The following ADARB1 variants were observed in gnomAD, a reference collection of about 807,000 sequenced individuals.
ADARB1 encodes double-stranded RNA-specific editase 1.
A neutral mutation model predicts 52.4 loss-of-function variants in ADARB1; 10 were observed. The observed-to-expected ratio is 0.19, with a 90% confidence interval of 0.12 to 0.32. The LOEUF is 0.32. Ranked by LOEUF, ADARB1 falls within the 10% of genes least tolerant of loss-of-function variation. ADARB1 has a pLI of 1.00. For missense variants in ADARB1, 643 were observed against 922.3 expected, an observed-to-expected ratio of 0.70 and a Z score of 3.92; for synonymous variants, 349 against 371.1, an observed-to-expected ratio of 0.94 and a Z score of 0.68.
At chr21:45,170,694 A>G (rs1224784154) in intron 2 of ADARB1, among the ~76,000 whole-genome samples, 1 of 152,048 alleles carries the variant, frequency 6.6e-6, no homozygotes, top group South Asian at 2.1e-4. Context: ...TTAGTGATTT[A>G]TAAGTTTTAT....
chr21:45,086,172 A>G (rs997680821), intron 1 of ADARB1, among the ~76,000 whole-genome samples: 8 of 152,184 alleles, frequency 5.3e-5, no homozygotes, highest in African/African-American at 1.9e-4. Flanking sequence ...TTCACACTGC[A>G]TTGAGAATTT....
rs2085829076 is a variant in ADARB1 at position 45,074,598 on chromosome 21, T to TGGAGGCGGCGGCGGCGGC, written c.-413_-412insAGGCGGCGGCGGCGGCGG. ...CGGGGCTGAGGCGCTGAGGCGGCCGTGGCGGCGGCGGCGGCGGCGGCGGCA... is the reference window on the plus strand; with the variant it reads ...CGGGGCTGAGGCGCTGAGGCGGCCGTGGAGGCGGCGGCGGCGGCGGCGGCGGCGGCGGCGGCGGCGGCA... On this transcript the variant is annotated 5_prime_UTR_variant, in exon 1 of 11. Coordinates refer to ENST00000348831, the MANE Select transcript of ADARB1 (RefSeq NM_001112.4). 1 of 145,044 alleles carries TGGAGGCGGCGGCGGCGGC rather than the reference T, an allele frequency of 6.9e-6. No individual in the cohort carries two copies. The highest frequency in any genetic ancestry group is 7.0e-5 in the Admixed American group (1 of 14,238). 9.0% of individuals were successfully genotyped at this position (145,044 alleles called of 1,614,324 possible).
chr21:45,158,879 T>TG (rs1650650667), intron 2 of ADARB1, among the ~76,000 whole-genome samples: 1 of 152,242 alleles, frequency 6.6e-6, no homozygotes, highest in Admixed American at 6.5e-5. Context: ...CAGCTTGTGG[T>TG]GGGTTGGAGT....
At chr21:45,210,548 G>C (rs1232479395) in intron 9 of ADARB1, among the ~76,000 whole-genome samples, 2 of 152,196 alleles carry the variant, frequency 1.3e-5, no homozygotes, top group Non-Finnish European at 2.9e-5. Flanking sequence ...CATCTCCCGG[G>C]CATGCATGTG....
At chr21:45,188,694 T>C (rs11700834) in intron 8 of ADARB1, among the ~76,000 whole-genome samples, 77,275 of 151,754 alleles carry the variant, frequency 0.51, 20,034 homozygotes, top group South Asian at 0.57. Flanking sequence ...TAATCACTGA[T>C]AGGGAAGACT....
At position 45,189,263 on chromosome 21, in the gene ADARB1, A is replaced by G. The variant is rs140148934; in HGVS notation, c.1565+4172A>G. Reference sequence around the variant, plus strand: ...TTCTTTTTGTGTATATTCTACAGGTATTTTCTTTGTGGTTACCATTGCAAT... The same window carrying G: ...TTCTTTTTGTGTATATTCTACAGGTGTTTTCTTTGTGGTTACCATTGCAAT... On this transcript the variant is annotated intron_variant, in intron 8 of 10. Transcript: ENST00000348831. 9.3e-3 allele frequency among the ~76,000 whole-genome samples: 1,404 copies of G among 151,508 alleles called. 7 individuals are homozygous for G. Among genetic ancestry groups the G allele is most frequent in the Non-Finnish European group, 0.014 (937 of 67,888 alleles).
At chr21:45,079,326 A>G (rs2086064715) in intron 1 of ADARB1, among the ~76,000 whole-genome samples, 1 of 152,374 alleles carries the variant, frequency 6.6e-6, no homozygotes, top group African/African-American at 2.4e-5. Context: ...TTTTAAAATC[A>G]TATAATTCAT....
chr21:45,101,422 T>G (rs1601341759), intron 1 of ADARB1, among the ~76,000 whole-genome samples: 1 of 152,338 alleles, frequency 6.6e-6, no homozygotes, highest in Admixed American at 6.5e-5. Context: ...CTAGGCTCCC[T>G]TCTTTCGCGG....
Position 45,185,036 on chromosome 21 carries a change from G to A in ADARB1, c.1510G>A (p.Gly504Arg), listed in dbSNP as rs757268939. 3 of 1,614,202 alleles carry A rather than the reference G, an allele frequency of 1.9e-6. No homozygotes were observed. Among genetic ancestry groups the A allele is most frequent in the Non-Finnish European group, 2.5e-6 (3 of 1,180,028 alleles). The change falls in exon 8 of 11, where the codon GGG (glycine) becomes AGG (arginine). Residue 504 changes from glycine to arginine, a missense_variant. By Grantham distance (125) the Gly-to-Arg change is moderately radical (BLOSUM62 -2). This residue lies in a region of ADARB1 where 263 missense variants were observed against 475.8 expected (regional missense o/e 0.55). Coordinates refer to ENST00000348831, the MANE Select transcript of ADARB1 (RefSeq NM_001112.4). ...RSNASIQTWD[G>R]VLQGERLLTM... is the part of the protein sequence containing the mutation. ...CAATGCGAGCATCCAAACGTGGGAC[G>A]GGGTGCTGCAAGGGGAGCGGCTGCT...
chr21:45,102,997 C>T (rs538251393), intron 1 of ADARB1, among the ~76,000 whole-genome samples: 2 of 152,256 alleles, frequency 1.3e-5, no homozygotes, highest in Admixed American at 6.5e-5. Flanking sequence ...TGACAGTGGG[C>T]CTTCACCTCT....
At chr21:45,188,933 C>T (rs1393604812) in intron 8 of ADARB1, among the ~76,000 whole-genome samples, 3 of 152,198 alleles carry the variant, frequency 2.0e-5, no homozygotes, top group Admixed American at 2.0e-4. Flanking sequence ...GCCTCACAAT[C>T]ATGGCAGAAT....
chr21:45,197,546 C>T (rs1342107018), intron 8 of ADARB1, among the ~76,000 whole-genome samples: 1 of 151,862 alleles, frequency 6.6e-6, no homozygotes, highest in African/African-American at 2.4e-5. Flanking sequence ...TGTAGCCTAG[C>T]CATTTCACTC....
chr21:45,156,395 C>T (rs1392451305), intron 2 of ADARB1, among the ~76,000 whole-genome samples: 1 of 150,246 alleles, frequency 6.7e-6, no homozygotes, highest in African/African-American at 2.5e-5. Context: ...ATCCATCCAT[C>T]CATCCATCCA....
chr21:45,077,709 G>A (rs2085999753), intron 1 of ADARB1, among the ~76,000 whole-genome samples: 1 of 151,794 alleles, frequency 6.6e-6, no homozygotes, highest in Non-Finnish European at 1.5e-5. Flanking sequence ...GTGGTTTTCT[G>A]TGTCAACTTT....
chr21:45,220,040 A>G lies in ADARB1; in HGVS notation c.1748-796A>G, dbSNP rs900646734. 1.5e-5 allele frequency among the ~76,000 whole-genome samples: 2 copies of G among 131,114 alleles called. No individual in the cohort carries two copies. Among genetic ancestry groups the G allele is most frequent in the African/African-American group, 5.6e-5 (2 of 35,748 alleles). The allele number at this position is 131,114 out of a possible 152,430, so 86.0% of individuals were successfully genotyped here. A position where few individuals can be genotyped will look rare whatever the true frequency, so the allele number is the denominator to read the frequency against. On this transcript the variant is annotated intron_variant, in intron 9 of 10. Transcript: ENST00000348831. This position sits in a 1 kb window ranked among gnomAD's most constrained non-coding sequence, Gnocchi z 6.3. ...GCATTTTCTTCAGGATTGTCTTTGT[A>G]AAAGCTATTTTTATCTCCTGTTTGA...
chr21:45,207,428 T>G (rs1183412478), intron 9 of ADARB1, among the ~76,000 whole-genome samples: 1 of 152,136 alleles, frequency 6.6e-6, no homozygotes, highest in Non-Finnish European at 1.5e-5. Flanking sequence ...GGCAGAGGCT[T>G]CTGCTTCAGA....
chr21:45,090,858 A>G (rs1237236964), intron 1 of ADARB1, among the ~76,000 whole-genome samples: 11 of 152,162 alleles, frequency 7.2e-5, no homozygotes, highest in Non-Finnish European at 8.8e-5. Context: ...TGCCTTGGCC[A>G]CCTCATTTGT....
At chr21:45,081,318 G>A (rs2086141073) in intron 1 of ADARB1, among the ~76,000 whole-genome samples, 1 of 152,132 alleles carries the variant, frequency 6.6e-6, no homozygotes, top group South Asian at 2.1e-4. Context: ...CACGGACCCG[G>A]CTTATGATGG....
chr21:45,129,845 G>A (rs1444608427), intron 2 of ADARB1, among the ~76,000 whole-genome samples: 1 of 152,168 alleles, frequency 6.6e-6, no homozygotes, highest in Non-Finnish European at 1.5e-5. Flanking sequence ...TTGAGTTTGT[G>A]CCAGCAAAGG....
Sources: allele counts gnomAD v4.1 joint callset (sites outside exome capture counted in the v4.1 genomes callset), GRCh38; gene constraint gnomAD v4.1.1; regional missense constraint gnomAD v4.1.1; non-coding constraint Gnocchi (gnomAD v3.1); transcripts MANE v1.5; gene names NCBI Gene and HGNC (gene_info 2026-07-23, HGNC 2026-07-21).